The following PCDHA10 variants were observed in gnomAD, a reference collection of about 807,000 sequenced individuals.
PCDHA10 encodes the protein protocadherin alpha 10.
A neutral mutation model predicts 61.2 loss-of-function variants in PCDHA10; 45 were observed. That is an observed-to-expected ratio of 0.74 (90% CI 0.58 to 0.94). The LOEUF (loss-of-function observed/expected upper bound fraction) is 0.94, where lower values mean the gene tolerates loss of function less well. Ranked by LOEUF, PCDHA10 falls within the 40% of genes least tolerant of loss-of-function variation. The pLI, the probability that PCDHA10 is intolerant of heterozygous loss-of-function variation, is 0.00. For missense variants in PCDHA10, 1,278 were observed against 1,236.2 expected (o/e 1.03, Z -0.51); for synonymous variants, 602 against 548.8 (o/e 1.10, Z -1.35).
chr5:140,941,316 T>C (rs1479003076), intron 1 of PCDHA10, among the ~76,000 whole-genome samples: 1 of 135,480 alleles, frequency 7.4e-6, no homozygotes, highest in African/African-American at 2.7e-5. Flanking sequence ...TTTTCTTCTT[T>C]CTCTTTTTTT....
intron 1 of PCDHA10, among the ~76,000 whole-genome samples, chr5:140,896,330 A>C (rs1435351695): frequency 1.3e-5 from 2 of 152,170 alleles, no homozygotes. Flanking sequence ...CAGTGGCTAA[A>C]CTAATTTATA....
At chr5:140,950,389 T>C (rs269550) in intron 1 of PCDHA10, among the ~76,000 whole-genome samples, 33,984 of 151,960 alleles carry the variant, frequency 0.22, 4,900 homozygotes, top group African/African-American at 0.41. Context: ...TTGAATGATA[T>C]AGAATTCTGG....
chr5:140,967,279 T>C, intron 1 of PCDHA10: 1 of 1,613,002 alleles, frequency 6.2e-7, no homozygotes, highest in South Asian at 1.1e-5. Context: ...ACATAGAGAG[T>C]GCGCAGGACC....
At chr5:140,902,761 G>A (rs58783050) in intron 1 of PCDHA10, among the ~76,000 whole-genome samples, 3,599 of 148,306 alleles carry the variant, frequency 0.024, 139 homozygotes, top group African/African-American at 0.083. Flanking sequence ...TCATTCTTAT[G>A]TCTTTGCATT....
In PCDHA10 at chr5:140,857,765, G is replaced by A. The variant is rs374400381; in HGVS notation, c.1717G>A (p.Gly573Ser). ...ALLASPAGSA[G>S]GAVSELVLRS... The stretch of plus-strand genomic sequence containing the variant: ...GCTGGCGTCTCCCGCTGGCAGCGCG[G>A]GCGGTGCAGTCAGTGAGCTGGTGCT... Residue 573 changes from glycine (G) to serine (S), a missense_variant, in exon 1 of 4, where the codon GGC becomes AGC. Coordinates refer to ENST00000307360, the MANE Select transcript of PCDHA10 (RefSeq NM_018901.4). The A allele has an allele frequency of 6.1e-5, 98 of 1,597,608 alleles. 8 individuals are homozygous for A. In the African/African-American group the frequency reaches 1.2e-3, roughly 19 times the overall value.
intron 1 of PCDHA10, among the ~76,000 whole-genome samples, chr5:140,915,767 C>T (rs1554197085): frequency 6.6e-6 from 1 of 151,976 alleles, no homozygotes; most frequent in Non-Finnish European, 1.5e-5. Context: ...TGGGTCTTGT[C>T]CAAGGCCTGC....
chr5:140,918,895 A>G (rs1319042193), intron 1 of PCDHA10, among the ~76,000 whole-genome samples: 2 of 152,206 alleles, frequency 1.3e-5, no homozygotes, highest in East Asian at 3.9e-4. Flanking sequence ...TGAAAAATAA[A>G]TCTCTCTTGT....
intron 1 of PCDHA10, among the ~76,000 whole-genome samples, chr5:140,917,163 G>A (rs948639951): frequency 6.6e-6 from 1 of 152,182 alleles, no homozygotes; most frequent in Admixed American, 6.5e-5. Flanking sequence ...ATATGGGAGG[G>A]GTGATGGTGG....
chr5:140,961,887 GTTT>G (rs35680913), intron 1 of PCDHA10, among the ~76,000 whole-genome samples: 1 of 143,934 alleles, frequency 6.9e-6, no homozygotes. Context: ...ACTTACATCA[GTTT>G]TTTTTTTTTT....
chr5:140,948,895 A>G (rs1192387448), intron 1 of PCDHA10, among the ~76,000 whole-genome samples: 1 of 151,548 alleles, frequency 6.6e-6, no homozygotes, highest in Non-Finnish European at 1.5e-5. Flanking sequence ...TTAGATTTTA[A>G]GTGGATTCTT....
intron 1 of PCDHA10, chr5:140,926,928 G>GT: frequency 1.3e-6 from 2 of 1,574,878 alleles, no homozygotes; most frequent in South Asian, 2.4e-5. Context: ...TATGTTTGTG[G>GT]GTTTCCTGCG....
At chr5:140,951,234 C>A (rs1003242029) in intron 1 of PCDHA10, among the ~76,000 whole-genome samples, 2 of 152,028 alleles carry the variant, frequency 1.3e-5, no homozygotes. Flanking sequence ...ATGGTCTTTA[C>A]CTTTAGGAAT....
chr5:141,003,151 C>T (rs1554258934), intron 3 of PCDHA10, among the ~76,000 whole-genome samples: 2 of 152,224 alleles, frequency 1.3e-5, no homozygotes, highest in African/African-American at 2.4e-5. Flanking sequence ...AGACTCTGAC[C>T]TGATCAATCC....
At chr5:140,906,693 G>T (rs887867103) in intron 1 of PCDHA10, among the ~76,000 whole-genome samples, 3 of 152,082 alleles carry the variant, frequency 2.0e-5, no homozygotes, top group African/African-American at 7.2e-5. Flanking sequence ...GAAGGATCTG[G>T]GCCATTTGTA....
At chr5:140,944,413 C>T (rs892243235) in intron 1 of PCDHA10, among the ~76,000 whole-genome samples, 3 of 152,292 alleles carry the variant, frequency 2.0e-5, no homozygotes, top group African/African-American at 7.2e-5. Context: ...TCTCGAACTC[C>T]TGATCTGAAG....
chr5:140,877,592 T>G, intron 1 of PCDHA10: 1 of 1,613,812 alleles, frequency 6.2e-7, no homozygotes, highest in South Asian at 1.1e-5. Flanking sequence ...ATCTGTGCGG[T>G]GTCCAGCCTG....
chr5:141,000,413 A>T (rs1563651324), intron 3 of PCDHA10, among the ~76,000 whole-genome samples: 4 of 93,212 alleles, frequency 4.3e-5, no homozygotes, highest in African/African-American at 1.8e-4. Flanking sequence ...ATATATATAT[A>T]TATATATATT....
At chr5:141,007,985 A>C (rs2153994605) in intron 3 of PCDHA10, among the ~76,000 whole-genome samples, 1 of 152,322 alleles carries the variant, frequency 6.6e-6, no homozygotes, top group South Asian at 2.1e-4. Context: ...TGTATATATG[A>C]AATGTACATG....
At chr5:140,962,947 A>T (rs2153733915) in intron 1 of PCDHA10, among the ~76,000 whole-genome samples, 2 of 152,320 alleles carry the variant, frequency 1.3e-5, no homozygotes, top group Admixed American at 1.3e-4. Context: ...TCCATAAGAT[A>T]TGCTCTATCC....
Sources: allele counts gnomAD v4.1 joint callset (sites outside exome capture counted in the v4.1 genomes callset), GRCh38; gene constraint gnomAD v4.1.1; transcripts MANE v1.5; gene names NCBI Gene and HGNC (gene_info 2026-07-23, HGNC 2026-07-21).